Variants in SENP6 observed in about 807,000 individuals in gnomAD.
SENP6 encodes sentrin-specific protease 6.
SENP6 carries 41 observed loss-of-function variants against 134.5 expected under a neutral mutation model. That is an observed-to-expected ratio of 0.30 (90% CI 0.24 to 0.40). SENP6 has a LOEUF of 0.40. SENP6 is among the 10% of genes least tolerant of loss of function. The probability of loss-of-function intolerance (pLI) is 1.00; values close to 1 mark genes in which losing one functional copy is unlikely to be tolerated. For synonymous variants in SENP6, 395 were observed against 429.8 expected (o/e 0.92, Z 1.00); for missense variants, 1,248 against 1,312.5 (o/e 0.95, Z 0.76).
chr6:75,713,474 T>C (rs1168713133), intron 21 of SENP6, 39 bp from the exon 22 acceptor site: 1 of 1,486,868 alleles, frequency 6.7e-7, no homozygotes, highest in South Asian at 1.2e-5. Flanking sequence ...ATTTGTAATA[T>C]TATGAAGTAT....
chr6:75,650,034 G>A (rs751189682), intron 7 of SENP6, among the ~76,000 whole-genome samples: 4 of 152,086 alleles, frequency 2.6e-5, no homozygotes, highest in African/African-American at 4.8e-5. Flanking sequence ...TCTGTTCCAC[G>A]ATTCATTCTG....
chr6:75,710,762 CAAT>C (rs887735416), intron 20 of SENP6, among the ~76,000 whole-genome samples: 2 of 152,066 alleles, frequency 1.3e-5, no homozygotes, highest in Admixed American at 6.6e-5. Flanking sequence ...CAAAGAACAA[CAAT>C]GACCAAAAAA....
At chr6:75,622,953 C>A in intron 2 of SENP6, 1 of 457,530 alleles carries the variant, frequency 2.2e-6, no homozygotes. Flanking sequence ...AACAATTATT[C>A]AGTATGCATA....
At chr6:75,634,255 C>CA (rs754900765) in intron 4 of SENP6, among the ~76,000 whole-genome samples, 41 of 152,052 alleles carry the variant, frequency 2.7e-4, no homozygotes, top group Non-Finnish European at 5.4e-4. Context: ...AAGTCAGTGG[C>CA]AAAATCAGAA....
chr6:75,670,530 G>T, intron 10 of SENP6, 23 bp from the exon 11 acceptor site: 2 of 1,558,846 alleles, frequency 1.3e-6, no homozygotes, highest in Admixed American at 1.7e-5. Context: ...ATTATTAAGT[G>T]AACATTTTCT....
chr6:75,665,596 A>T (rs141323231), intron 9 of SENP6, among the ~76,000 whole-genome samples: 30 of 152,338 alleles, frequency 2.0e-4, no homozygotes, highest in Non-Finnish European at 3.4e-4. Context: ...AGTACAAGGT[A>T]TAAGAGCAAA....
At chr6:75,711,490 T>A (rs1775743867) in intron 21 of SENP6, 74 bp downstream of exon 21, 1 of 942,734 alleles carries the variant, frequency 1.1e-6, no homozygotes, top group African/African-American at 1.7e-5. Flanking sequence ...GGACAGTTTT[T>A]TTTTTAAATA....
Position 75,621,540 on chromosome 6 carries a change from A to G in SENP6, c.61A>G (p.Arg21Gly). The G allele has an allele frequency of 6.2e-7, 1 of 1,605,338 alleles. No individual in the cohort carries two copies. The highest frequency in any genetic ancestry group is 2.2e-5 in the East Asian group (1 of 44,582). ...GEITFLEALA[R>G]SESKRDGGFK... ...GTTTGTTTTTATTTCAGCTTTGGCT[A>G]GATCAGAGTCTAAGAGAGATGGAGG... The change falls in exon 2 of 24, where the codon AGA becomes GGA. Residue 21 changes from arginine to glycine, a missense_variant. Arg to Gly is a moderately radical substitution (Grantham distance 125). Around this residue, in one of 3 missense-constraint regions of SENP6, gnomAD observed 733 missense variants for 725.4 expected, o/e 1.01. Coordinates refer to ENST00000447266, the MANE Select transcript of SENP6 (RefSeq NM_015571.4).
intron 16 of SENP6, among the ~76,000 whole-genome samples, chr6:75,689,422 C>CAAA: frequency 6.7e-6 from 1 of 149,946 alleles, no homozygotes; most frequent in Non-Finnish European, 1.5e-5. Flanking sequence ...AAAACAAAAA[C>CAAA]AAAAAAAAAC....
chr6:75,613,943 A>G (rs773769362), intron 1 of SENP6, among the ~76,000 whole-genome samples: 6 of 152,218 alleles, frequency 3.9e-5, no homozygotes, highest in South Asian at 2.1e-4. Context: ...ATTGATTGTT[A>G]TGTCCCATTT....
At chr6:75,709,985 G>A (rs1009541475) in intron 20 of SENP6, among the ~76,000 whole-genome samples, 6 of 152,120 alleles carry the variant, frequency 3.9e-5, no homozygotes, top group Admixed American at 3.9e-4. Flanking sequence ...CTACTGTGGT[G>A]TGGACTGAAC....
intron 6 of SENP6, 197 bp from the exon 7 acceptor site, chr6:75,647,534 A>G: frequency 2.7e-6 from 1 of 372,324 alleles, no homozygotes. Context: ...GTTTTTAAAC[A>G]ACTAAAAAAT....
At chr6:75,691,182 G>A (rs1340070868) in intron 16 of SENP6, among the ~76,000 whole-genome samples, 9 of 147,860 alleles carry the variant, frequency 6.1e-5, no homozygotes, top group African/African-American at 1.0e-4. Context: ...TTACTTTGTC[G>A]TTCAGGTTGG....
At chr6:75,689,935 T>C (rs1774119449) in intron 16 of SENP6, among the ~76,000 whole-genome samples, 1 of 152,148 alleles carries the variant, frequency 6.6e-6, no homozygotes, top group South Asian at 2.1e-4. Context: ...CTTTTTGTTT[T>C]GAGTTAGGGT....
intron 16 of SENP6, among the ~76,000 whole-genome samples, chr6:75,681,149 T>G (rs1773436145): frequency 6.6e-6 from 1 of 152,214 alleles, no homozygotes; most frequent in Non-Finnish European, 1.5e-5. Context: ...TCATGTCCAT[T>G]TGTAATCCAC....
intron 5 of SENP6, among the ~76,000 whole-genome samples, chr6:75,636,875 ATT>A (rs57572863): frequency 1.4e-5 from 2 of 143,354 alleles, no homozygotes; most frequent in African/African-American, 2.6e-5. Flanking sequence ...TGAAGTCTTA[ATT>A]TTTTTTTTTT....
chr6:75,618,928 A>G (rs1768053671), intron 1 of SENP6, among the ~76,000 whole-genome samples: 1 of 145,938 alleles, frequency 6.9e-6, no homozygotes, highest in Admixed American at 6.8e-5. Flanking sequence ...TGTTCATGAT[A>G]TTTCTGAAAC....
intron 16 of SENP6, among the ~76,000 whole-genome samples, chr6:75,680,475 G>T (rs1773389089): frequency 6.6e-6 from 1 of 152,176 alleles, no homozygotes; most frequent in South Asian, 2.1e-4. Flanking sequence ...TATACGGACA[G>T]ATCCTGGAGA....
intron 2 of SENP6, chr6:75,622,653 T>A (rs1341943672): frequency 2.2e-6 from 1 of 457,748 alleles, no homozygotes; most frequent in East Asian, 7.4e-5. Flanking sequence ...AATTCAGAGA[T>A]CCACAAATAT....
Sources: gnomAD v4.1 joint callset for allele counts (sites outside exome capture counted in the v4.1 genomes callset) on GRCh38, gnomAD v4.1.1 for gene constraint, gnomAD v4.1.1 regional missense constraint, MANE v1.5 for transcripts, NCBI Gene and HGNC (gene_info 2026-07-23, HGNC 2026-07-21) for gene names.